Variants in TNS1 observed in about 807,000 individuals in gnomAD.
The protein encoded by TNS1 is tensin-1.
TNS1 carries 62 observed loss-of-function variants against 168.6 expected under a neutral mutation model. The ratio of observed to expected loss-of-function variants is 0.37; its 90% CI spans 0.30 to 0.45. The LOEUF (loss-of-function observed/expected upper bound fraction) is 0.45, where lower values mean the gene tolerates loss of function less well. Ranked by LOEUF, TNS1 falls within the 20% of genes least tolerant of loss-of-function variation. The pLI is 1.00. For missense variants in TNS1, 2,240 were observed against 2,339.4 expected, an observed-to-expected ratio of 0.96 and a Z score of 0.88; for synonymous variants, 934 against 933.2, an observed-to-expected ratio of 1.00 and a Z score of -0.02.
In TNS1 at chr2:217,818,268, G is replaced by A; in HGVS notation, c.4064C>T (p.Ala1355Val). The A allele has an allele frequency of 6.2e-7, 1 of 1,613,254 alleles. No individual in the cohort carries two copies. The highest frequency in any genetic ancestry group is 8.5e-7 in the Non-Finnish European group (1 of 1,179,648). The stretch of plus-strand genomic sequence containing the variant: ...GAGGCCAGAAACCTGGTAGACCCCT[G>A]CTGGGTGCCGACACAGGCTGGGGCT... ...PGSPSLCRHPAGVYQVSGLHN... is the reference protein window; with the variant it reads ...PGSPSLCRHPVGVYQVSGLHN... Residue 1355 changes from alanine to valine, a missense_variant, in exon 24 of 33, where the codon GCA becomes GTA. Physicochemically the swap from Ala to Val is moderately conservative, Grantham distance 64. Coordinates refer to ENST00000682258, the MANE Select transcript of TNS1 (RefSeq NM_001387777.1).
intron 21 of TNS1, among the ~76,000 whole-genome samples, chr2:217,832,923 T>C (rs1390673065): frequency 1.3e-5 from 2 of 151,932 alleles, no homozygotes; most frequent in African/African-American, 4.8e-5. Context: ...TGTCTTTACA[T>C]AGACACACAC....
chr2:217,996,979 A>C, intron 1 of TNS1, among the ~76,000 whole-genome samples: 1 of 148,860 alleles, frequency 6.7e-6, no homozygotes, highest in African/African-American at 2.5e-5. Context: ...CCCTGTGTCC[A>C]CCCAGGCTGC....
At chr2:217,909,571 C>CCACACA (rs3054350) in intron 4 of TNS1, among the ~76,000 whole-genome samples, 9,383 of 147,226 alleles carry the variant, frequency 0.064, 333 homozygotes, top group African/African-American at 0.079. Flanking sequence ...GCCTGGGTGC[C>CCACACA]CACACACACA....
intron 19 of TNS1, among the ~76,000 whole-genome samples, chr2:217,842,350 T>C (rs1946089302): frequency 8.5e-6 from 1 of 117,066 alleles, no homozygotes; most frequent in African/African-American, 4.6e-5. Flanking sequence ...GTTTCTAGTG[T>C]TCCCCTGAAA....
chr2:217,898,016 A>C, intron 7 of TNS1, 47 bp from the exon 8 acceptor site: 1 of 1,546,136 alleles, frequency 6.5e-7, no homozygotes, highest in Non-Finnish European at 8.7e-7. Flanking sequence ...AATCCAGCCC[A>C]CAGGGAAGGC....
intron 18 of TNS1, among the ~76,000 whole-genome samples, chr2:217,870,039 G>A (rs150608025): frequency 1.7e-4 from 26 of 152,286 alleles, no homozygotes; most frequent in East Asian, 1.4e-3. Context: ...ATTGTTTCTC[G>A]TTCCTTTTAC....
chr2:217,907,222 A>T lies in TNS1; in HGVS notation c.258T>A (p.Asn86Lys). The T allele has an allele frequency of 2.8e-6, 2 of 703,028 alleles. No individual in the cohort carries two copies. Among genetic ancestry groups the T allele is most frequent in the East Asian group, 2.7e-5 (1 of 37,288 alleles). 43.5% of individuals were successfully genotyped at this position (703,028 alleles called of 1,614,324 possible). Residue 86 changes from asparagine (N) to lysine (K), a missense_variant, in exon 5 of 33, where the codon AAT becomes AAA. Transcript: ENST00000682258. ...TGCCATCACTCACCTTGTCCACTACATTCTTTGGTGCATTCTCAGTGGTGA... is the reference window on the plus strand; with the variant it reads ...TGCCATCACTCACCTTGTCCACTACTTTCTTTGGTGCATTCTCAGTGGTGA... ...VPITTENAPKNVVDKGEGASR... is the reference protein window; with the variant it reads ...VPITTENAPKKVVDKGEGASR...
chr2:217,942,049 C>G (rs1187926204), intron 3 of TNS1, among the ~76,000 whole-genome samples: 1 of 152,198 alleles, frequency 6.6e-6, no homozygotes, highest in Non-Finnish European at 1.5e-5. Flanking sequence ...CACCTGGCCA[C>G]CAGGTTCTCT....
At chr2:217,940,471 T>C (rs915358081) in intron 3 of TNS1, among the ~76,000 whole-genome samples, 1 of 152,178 alleles carries the variant, frequency 6.6e-6, no homozygotes, top group African/African-American at 2.4e-5. Flanking sequence ...TGCCTCAGGC[T>C]CACGGCACAC....
intron 7 of TNS1, among the ~76,000 whole-genome samples, chr2:217,899,748 C>A (rs548681415): frequency 6.6e-6 from 1 of 152,238 alleles, no homozygotes; most frequent in Non-Finnish European, 1.5e-5. Context: ...GCCTCAGCAT[C>A]ACACTCTGCA....
intron 28 of TNS1, among the ~76,000 whole-genome samples, chr2:217,811,006 G>A (rs950044350): frequency 3.3e-5 from 5 of 151,970 alleles, no homozygotes; most frequent in South Asian, 2.1e-4. Context: ...AGCCTCCAGC[G>A]TAGCTGGGAC....
intron 32 of TNS1, among the ~76,000 whole-genome samples, chr2:217,805,525 C>CACAACACCACACACCA (rs1559132167): frequency 5.7e-4 from 1 of 1,754 alleles, no homozygotes; most frequent in Non-Finnish European, 1.2e-3. Context: ...ACCACACACA[C>CACAACACCACACACCA]CACACACACC....
chr2:217,969,174 T>G (rs912368818), intron 3 of TNS1, among the ~76,000 whole-genome samples: 2 of 152,330 alleles, frequency 1.3e-5, no homozygotes, highest in South Asian at 4.1e-4. Flanking sequence ...GAATTCACAC[T>G]TCCCAATTTT....
intron 3 of TNS1, among the ~76,000 whole-genome samples, chr2:217,964,622 G>A (rs141684553): frequency 1.1e-4 from 17 of 152,328 alleles, no homozygotes; most frequent in Admixed American, 2.6e-4. Flanking sequence ...GAAGCTGCGC[G>A]CTGATGTGGA....
intron 3 of TNS1, among the ~76,000 whole-genome samples, chr2:217,941,568 C>T (rs1956914303): frequency 6.6e-6 from 1 of 152,166 alleles, no homozygotes; most frequent in Non-Finnish European, 1.5e-5. Flanking sequence ...GCGCCCACGC[C>T]CCAGGCCAGA....
In TNS1 at chr2:217,923,186, AGGCT is replaced by A. The variant is rs1015983129; in HGVS notation, c.187-2954_187-2951del. Among the ~76,000 whole-genome samples, 21 of 152,246 alleles carry A rather than the reference AGGCT, an allele frequency of 1.4e-4. 1 individual carries two copies. In the South Asian group the frequency reaches 3.1e-3, roughly 23 times the overall value. ...GGGGTCTTGGTGCCAGCGCTGTCAT[AGGCT>A]CACCTCCCAGAGCTGTCAGTGCAGG... On this transcript the variant is annotated intron_variant, in intron 3 of 32. Coordinates refer to ENST00000682258, the MANE Select transcript of TNS1 (RefSeq NM_001387777.1).
Position 217,853,028 on chromosome 2 carries a change from C to T in TNS1, c.1430-3941G>A, listed in dbSNP as rs138522276. 2.8e-4 allele frequency among the ~76,000 whole-genome samples: 42 copies of T among 152,224 alleles called. No homozygotes were observed. The East Asian group carries it at 5.2e-3, about 19-fold the overall frequency. ...AGCAGCAGGATCTGTGGAGCACGTG[C>T]CCCTCCTCCTCCCACCAGAGACAAG... On this transcript the variant is annotated intron_variant, in intron 18 of 32. Transcript: ENST00000682258.
chr2:217,840,971 A>G (rs1945872090), intron 19 of TNS1, among the ~76,000 whole-genome samples: 1 of 152,198 alleles, frequency 6.6e-6, no homozygotes, highest in South Asian at 2.1e-4. Context: ...GGGATGGAGA[A>G]GTAAGTGAGG....
rs567652273 is a variant in TNS1, at chr2:217,881,291, G to A, written c.1313-277C>T. On this transcript the variant is annotated intron_variant, in intron 17 of 32. Transcript: ENST00000682258. ...TGAAGACCCCCTGGAAGAAAGCGGG[G>A]AGGACCCCTGGCTGGGTACCTGCCT... 1.6e-4 allele frequency: 59 copies of A among 376,584 alleles called. No individual in the cohort carries two copies. The East Asian group carries it at 2.3e-3, about 14-fold the overall frequency. 23.3% of individuals were successfully genotyped at this position (376,584 alleles called of 1,614,324 possible). A position where few individuals can be genotyped will look rare whatever the true frequency, so the allele number is the denominator to read the frequency against.
Sources: allele counts gnomAD v4.1 joint callset (sites outside exome capture counted in the v4.1 genomes callset), GRCh38; gene constraint gnomAD v4.1.1; transcripts MANE v1.5; gene names NCBI Gene and HGNC (gene_info 2026-07-23, HGNC 2026-07-21).